Variants in TNFSF4 observed in about 807,000 individuals in gnomAD.
The protein encoded by TNFSF4 is TNF superfamily member 4, also known as tumor necrosis factor ligand superfamily member 4.
TNFSF4 carries 4 observed loss-of-function variants against 7.3 expected under a neutral mutation model. The ratio of observed to expected loss-of-function variants is 0.55; its 90% CI spans 0.27 to 1.25. The LOEUF (loss-of-function observed/expected upper bound fraction) is 1.25. Ranked by LOEUF, TNFSF4 falls within the 50% of genes most tolerant of loss-of-function variation. The pLI, the probability that TNFSF4 is intolerant of heterozygous loss-of-function variation, is 0.12. For missense variants in TNFSF4, 181 were observed against 208.8 expected, an observed-to-expected ratio of 0.87 and a Z score of 0.82; for synonymous variants, 76 against 83.7, an observed-to-expected ratio of 0.91 and a Z score of 0.50.
chr1:173,338,084 C>T, the TNFSF4 span, among the ~76,000 whole-genome samples: 1 of 152,160 alleles, frequency 6.6e-6, no homozygotes, highest in African/African-American at 2.4e-5. Context: ...TCACCAAGGC[C>T]TAGCTGAAGA....
chr1:173,319,839 C>A, the TNFSF4 span, among the ~76,000 whole-genome samples: 2 of 152,132 alleles, frequency 1.3e-5, no homozygotes, highest in African/African-American at 2.4e-5. Flanking sequence ...CCACAAAAAC[C>A]CCATCCAAAG....
the TNFSF4 span, among the ~76,000 whole-genome samples, chr1:173,375,894 T>TG: frequency 3.9e-5 from 6 of 152,118 alleles, no homozygotes; most frequent in African/African-American, 1.4e-4. Context: ...TTAAGAGCTG[T>TG]AACACTCACC....
the TNFSF4 span, among the ~76,000 whole-genome samples, chr1:173,281,412 T>C: frequency 6.6e-6 from 1 of 152,094 alleles, no homozygotes; most frequent in South Asian, 2.1e-4. Flanking sequence ...AGCTTTAATA[T>C]ATTCTCCTCA....
At chr1:173,270,059 A>G in the TNFSF4 span, among the ~76,000 whole-genome samples, 1 of 152,160 alleles carries the variant, frequency 6.6e-6, no homozygotes, top group Admixed American at 6.5e-5. Flanking sequence ...CTAACAGAGC[A>G]GGTGTGTGGT....
the TNFSF4 span, among the ~76,000 whole-genome samples, chr1:173,386,939 T>C: frequency 6.6e-6 from 1 of 152,248 alleles, no homozygotes; most frequent in African/African-American, 2.4e-5. Context: ...TGGAAATGTC[T>C]GTCCTACTTG....
the TNFSF4 span, among the ~76,000 whole-genome samples, chr1:173,228,173 C>T: frequency 1.3e-5 from 2 of 152,198 alleles, no homozygotes; most frequent in South Asian, 4.1e-4. Flanking sequence ...CTGGGAGGCA[C>T]CCCCGAGTAG....
At chr1:173,426,470 CTGTAAATGTGCTGCTTTACA>C in the TNFSF4 span, among the ~76,000 whole-genome samples, 2 of 152,268 alleles carry the variant, frequency 1.3e-5, 1 homozygote, top group African/African-American at 4.8e-5. Context: ...TCCCCAGAAC[CTGTAAATGTGCTGCTTTACA>C]TGGTCAAAGG....
chr1:173,187,050 C>CAAACAA (rs1439725632), intron 2 of TNFSF4, among the ~76,000 whole-genome samples, 185 bp from the exon 3 acceptor site: 1 of 147,104 alleles, frequency 6.8e-6, no homozygotes, highest in Non-Finnish European at 1.5e-5. Flanking sequence ...GACTCTGTCT[C>CAAACAA]AAACAAAAAA....
chr1:173,349,944 A>G, the TNFSF4 span, among the ~76,000 whole-genome samples: 1 of 152,244 alleles, frequency 6.6e-6, no homozygotes, highest in Non-Finnish European at 1.5e-5. Context: ...AACATTGAAT[A>G]AAAAGTTCCT....
chr1:173,429,857 T>C, the TNFSF4 span, among the ~76,000 whole-genome samples: 4 of 152,348 alleles, frequency 2.6e-5, no homozygotes, highest in Non-Finnish European at 4.4e-5. Flanking sequence ...ACATTGGTCA[T>C]AGCAAATGTA....
At chr1:173,180,255 C>G (rs1649033266), downstream of TNFSF4, among the ~76,000 whole-genome samples, 1 of 152,156 alleles carries the variant, frequency 6.6e-6, no homozygotes, top group African/African-American at 2.4e-5. Context: ...GTCGTCAGCA[C>G]TCAGCTTCTT....
the TNFSF4 span, among the ~76,000 whole-genome samples, chr1:173,177,281 T>C: frequency 6.6e-6 from 1 of 152,208 alleles, no homozygotes; most frequent in Non-Finnish European, 1.5e-5. Flanking sequence ...AACAAGATCA[T>C]GTCCTCTGCA....
the TNFSF4 span, among the ~76,000 whole-genome samples, chr1:173,420,416 C>G: frequency 6.6e-6 from 1 of 152,188 alleles, no homozygotes; most frequent in African/African-American, 2.4e-5. Context: ...CAGTACTTGA[C>G]GGCTCTTACT....
the TNFSF4 span, among the ~76,000 whole-genome samples, chr1:173,438,906 T>C: frequency 2.6e-5 from 4 of 152,208 alleles, no homozygotes; most frequent in African/African-American, 9.6e-5. Flanking sequence ...GTACCCACCA[T>C]GTGGCAAATA....
In TNFSF4 at chr1:173,186,125, ATG is replaced by A. The variant is rs1375371644; in HGVS notation, c.*389_*390del. On this transcript the variant is annotated 3_prime_UTR_variant, in exon 3 of 3. Transcript: ENST00000281834. ...TCTTCATTTTGATAATGCCACACAC[ATG>A]TCAAATTTCCAGCAAATGGTAGTCA... is the stretch of plus-strand genomic sequence containing the variant. 6.2e-6 allele frequency: 1 copy of A among 161,592 alleles called. No homozygotes were observed. Among genetic ancestry groups the A allele is most frequent in the African/African-American group, 3.6e-5 (1 of 27,722 alleles). 10.0% of individuals were successfully genotyped at this position (161,592 alleles called of 1,614,324 possible).
chr1:173,211,328 G>A (rs1437359090), upstream of TNFSF4, among the ~76,000 whole-genome samples: 2 of 152,198 alleles, frequency 1.3e-5, no homozygotes, highest in African/African-American at 2.4e-5. Flanking sequence ...TAATGTCACT[G>A]TCCTGGTTAA....
chr1:173,332,663 G>A, the TNFSF4 span, among the ~76,000 whole-genome samples: 3 of 152,244 alleles, frequency 2.0e-5, no homozygotes, highest in East Asian at 5.8e-4. Context: ...AGACTTGCCT[G>A]ACCAATATGG....
At chr1:173,348,392 C>T in the TNFSF4 span, among the ~76,000 whole-genome samples, 1 of 152,178 alleles carries the variant, frequency 6.6e-6, no homozygotes, top group African/African-American at 2.4e-5. Flanking sequence ...GCCTCCTCAG[C>T]CATGGGGAGC....
At chr1:173,391,435 C>CAAAAAAAA in the TNFSF4 span, among the ~76,000 whole-genome samples, 3 of 108,820 alleles carry the variant, frequency 2.8e-5, no homozygotes, top group Non-Finnish European at 3.7e-5. Context: ...CCTTAGAAAG[C>CAAAAAAAA]AAAAAAAAAA....
Sources: allele counts gnomAD v4.1 joint callset (sites outside exome capture counted in the v4.1 genomes callset), GRCh38; gene constraint gnomAD v4.1.1; transcripts MANE v1.5; gene names NCBI Gene and HGNC (gene_info 2026-07-23, HGNC 2026-07-21).